Variants in INTS4 observed in about 807,000 individuals in gnomAD.
INTS4 encodes integrator complex subunit 4.
Under a neutral mutation model 119.5 loss-of-function variants are expected in INTS4, and 70 were observed. That is an observed-to-expected ratio of 0.59 (90% confidence interval 0.48 to 0.71). The LOEUF (loss-of-function observed/expected upper bound fraction) is 0.71, where lower values mean the gene tolerates loss of function less well. INTS4 is among the 30% of genes least tolerant of loss of function. The pLI, the probability that INTS4 is intolerant of heterozygous loss-of-function variation, is 0.00. For missense variants in INTS4, 867 were observed against 1,173.2 expected, an observed-to-expected ratio of 0.74 and a Z score of 3.81; for synonymous variants, 316 against 419.6, an observed-to-expected ratio of 0.75 and a Z score of 3.02.
At chr11:77,887,787 CAGAG>C (rs1404827077) in intron 21 of INTS4, among the ~76,000 whole-genome samples, 1 of 152,146 alleles carries the variant, frequency 6.6e-6, no homozygotes, top group Non-Finnish European at 1.5e-5. Context: ...AACAGACAAA[CAGAG>C]AGCCAAATCA....
In INTS4 at chr11:77,955,810, T is replaced by C; in HGVS notation, c.918+132A>G. On this transcript the variant is annotated intron_variant, in intron 8 of 22. Coordinates refer to ENST00000534064, the MANE Select transcript of INTS4 (RefSeq NM_033547.4). Reference sequence around the variant, plus strand: ...CACCCAGCCTATAATCCCAGTCTTTTGGGAGGCTGAGGCAGGAGGACTGCT... The same window carrying C: ...CACCCAGCCTATAATCCCAGTCTTTCGGGAGGCTGAGGCAGGAGGACTGCT... The C allele has an allele frequency of 4.0e-6, 3 of 746,610 alleles. No homozygotes were observed. The South Asian group carries it at 5.4e-5, about 14-fold the overall frequency. 46.2% of individuals were successfully genotyped at this position (746,610 alleles called of 1,614,324 possible).
chr11:77,947,519 A>G (rs1392721366), intron 8 of INTS4, among the ~76,000 whole-genome samples: 2 of 152,244 alleles, frequency 1.3e-5, no homozygotes, highest in East Asian at 1.9e-4. Flanking sequence ...TGCTACAGCT[A>G]GAAACAAAAG....
intron 2 of INTS4, among the ~76,000 whole-genome samples, chr11:77,986,693 T>C (rs929535381): frequency 6.6e-6 from 1 of 152,048 alleles, no homozygotes; most frequent in Non-Finnish European, 1.5e-5. Context: ...CGCAGGGAAA[T>C]GGATGAAGCT....
chr11:77,978,233 G>C (rs983585933), intron 4 of INTS4: 1 of 151,998 alleles, frequency 6.6e-6, no homozygotes, highest in Non-Finnish European at 1.5e-5. Context: ...AGTGTTTTTG[G>C]TTTTATGTAT....
At chr11:77,971,553 C>T (rs1855734642) in intron 4 of INTS4, among the ~76,000 whole-genome samples, 2 of 152,000 alleles carry the variant, frequency 1.3e-5, no homozygotes, top group Non-Finnish European at 1.5e-5. Flanking sequence ...AGCAGGAGAA[C>T]CACTTGAACC....
chr11:77,952,092 G>A (rs905075304), intron 8 of INTS4, among the ~76,000 whole-genome samples: 1 of 152,210 alleles, frequency 6.6e-6, no homozygotes, highest in African/African-American at 2.4e-5. Context: ...CAACCAATGT[G>A]TCAATTTTTT....
chr11:77,992,789 G>A lies in INTS4; in HGVS notation c.55-1490C>T, dbSNP rs1165718956. On this transcript the variant is annotated intron_variant, in intron 1 of 22. Coordinates refer to ENST00000534064, the MANE Select transcript of INTS4 (RefSeq NM_033547.4). ...GGCATACCAATACTTTATTATCACA[G>A]AGCTAGTCGATAAATCTGTTATTAA... 5.9e-5 allele frequency among the ~76,000 whole-genome samples: 9 copies of A among 152,144 alleles called. No individual in the cohort carries two copies. In the East Asian group the frequency reaches 1.5e-3, roughly 26 times the overall value.
intron 10 of INTS4, among the ~76,000 whole-genome samples, chr11:77,936,389 C>T (rs1953790870): frequency 6.6e-6 from 1 of 152,112 alleles, no homozygotes; most frequent in Non-Finnish European, 1.5e-5. Flanking sequence ...CAAATTCTTT[C>T]TTCTTTTTTT....
chr11:77,899,535 T>C (rs1366309304), intron 18 of INTS4, among the ~76,000 whole-genome samples: 2 of 151,788 alleles, frequency 1.3e-5, no homozygotes, highest in South Asian at 2.1e-4. Flanking sequence ...CCGGGCATGG[T>C]GTTGCATGCC....
intron 2 of INTS4, among the ~76,000 whole-genome samples, chr11:77,984,914 G>GA (rs56373012): frequency 0.94 from 129,583 of 137,434 alleles, 61,065 homozygotes; most frequent in East Asian, 0.99. Flanking sequence ...AAATGTAAAT[G>GA]AAAAAAAAAA....
intron 16 of INTS4, 42 bp downstream of exon 16, chr11:77,907,675 T>C (rs748240065): frequency 4.8e-6 from 7 of 1,465,104 alleles, no homozygotes; most frequent in South Asian, 2.3e-5. Flanking sequence ...CAAAGATGCA[T>C]TTTTAGCAAC....
At chr11:77,945,564 C>A (rs186255645) in intron 8 of INTS4, among the ~76,000 whole-genome samples, 21 of 152,146 alleles carry the variant, frequency 1.4e-4, no homozygotes, top group African/African-American at 4.6e-4. Context: ...CCCCACATAG[C>A]GCTACCAACC....
Position 77,883,855 on chromosome 11 carries a change from T to G in INTS4, c.2690A>C (p.Tyr897Ser), listed in dbSNP as rs368172034. The G allele has an allele frequency of 1.9e-6, 3 of 1,612,894 alleles. No individual in the cohort carries two copies. The highest frequency in any genetic ancestry group is 2.5e-6 in the Non-Finnish European group (3 of 1,179,490). ...PGRHRLITQVYLSHTAWTEAC... is the reference protein window; with the variant it reads ...PGRHRLITQVSLSHTAWTEAC... ...ACCTGTCCAAGCGGTGTGGGAGAGATAAACCTGAGTGATGAGCCGGTGCCG... is the reference window on the plus strand; with the variant it reads ...ACCTGTCCAAGCGGTGTGGGAGAGAGAAACCTGAGTGATGAGCCGGTGCCG... Residue 897 changes from tyrosine to serine, a missense_variant, in exon 22 of 23, where the codon TAT becomes TCT. This residue lies in a region of INTS4 where 122 missense variants were observed against 133.2 expected (regional missense o/e 0.92). Transcript: ENST00000534064.
chr11:77,886,126 G>A (rs1051663514), intron 21 of INTS4, among the ~76,000 whole-genome samples: 4 of 151,240 alleles, frequency 2.6e-5, no homozygotes, highest in Non-Finnish European at 2.9e-5. Flanking sequence ...GGATCCCTTG[G>A]ACACAGAAGT....
rs547157454 is a variant in INTS4, at chr11:77,958,824, A to G, written c.719T>C (p.Leu240Ser). 1.9e-6 allele frequency: 3 copies of G among 1,601,310 alleles called. No homozygotes were observed. The highest frequency in any genetic ancestry group is 2.6e-6 in the Non-Finnish European group (3 of 1,170,550). ...CACTTGTTCATAGTCATCAGAGAGT[A>G]ATTTACAGGCCTGCAAAGAAGAATT... ...HQTIYNQACK[L>S]LSDDYEQVRS... The change falls in exon 7 of 23, where the codon TTA becomes TCA. Residue 240 changes from leucine to serine, a missense_variant. Around this residue, in one of 5 missense-constraint regions of INTS4, gnomAD observed 208 missense variants for 306.6 expected, o/e 0.68. Transcript: ENST00000534064.
intron 10 of INTS4, among the ~76,000 whole-genome samples, chr11:77,934,963 G>A (rs1953753101): frequency 6.6e-6 from 1 of 152,140 alleles, no homozygotes; most frequent in African/African-American, 2.4e-5. Context: ...GCACTTTTAA[G>A]ACCTCGCACA....
At chr11:77,959,393 C>T (rs1954408974) in intron 6 of INTS4, among the ~76,000 whole-genome samples, 1 of 152,116 alleles carries the variant, frequency 6.6e-6, no homozygotes, top group Non-Finnish European at 1.5e-5. Flanking sequence ...TCAACACACG[C>T]AAACCTGAAC....
rs922548357 is a variant in INTS4, at chr11:77,990,967, G to A, written c.246+141C>T. On this transcript the variant is annotated intron_variant, in intron 2 of 22. Coordinates refer to ENST00000534064, the MANE Select transcript of INTS4 (RefSeq NM_033547.4). Reference sequence around the variant, plus strand: ...CAAGATCTGTATCTTTTTTATCTCGGTATCCATAGTACCTAGCACTTGGAA... The same window carrying A: ...CAAGATCTGTATCTTTTTTATCTCGATATCCATAGTACCTAGCACTTGGAA... The A allele has an allele frequency of 1.1e-5, 7 of 662,578 alleles. No individual in the cohort carries two copies. In the Admixed American group the frequency reaches 1.5e-4, roughly 14 times the overall value. The allele number at this position is 662,578 out of a possible 1,614,324, so 41.0% of individuals were successfully genotyped here.
At chr11:77,923,237 G>A (rs1167114274) in intron 12 of INTS4, among the ~76,000 whole-genome samples, 14 of 144,444 alleles carry the variant, frequency 9.7e-5, no homozygotes, top group Non-Finnish European at 1.6e-4. Context: ...AGAATCACTT[G>A]AACCTGGAAG....
Sources: allele counts gnomAD v4.1 joint callset (sites outside exome capture counted in the v4.1 genomes callset), GRCh38; gene constraint gnomAD v4.1.1; regional missense constraint gnomAD v4.1.1; transcripts MANE v1.5; gene names NCBI Gene and HGNC (gene_info 2026-07-23, HGNC 2026-07-21).